The following TTF2 variants were observed in gnomAD, a reference collection of about 807,000 sequenced individuals.
The protein encoded by TTF2 is transcription termination factor 2.
TTF2 carries 108 observed loss-of-function variants against 142.4 expected under a neutral mutation model. The ratio of observed to expected loss-of-function variants is 0.76; its 90% confidence interval spans 0.65 to 0.89. The LOEUF is 0.89. TTF2 is among the 40% of genes least tolerant of loss of function. The pLI is 0.00. For synonymous variants in TTF2, 483 were observed against 506.2 expected (o/e 0.95, Z 0.61); for missense variants, 1,327 against 1,379.8 (o/e 0.96, Z 0.61).
intron 20 of TTF2, 22 bp downstream of exon 20, chr1:117,096,321 G>C: frequency 6.2e-7 from 1 of 1,612,152 alleles, no homozygotes; most frequent in Non-Finnish European, 8.5e-7. Context: ...TCACATCAGA[G>C]CCGCATAATT....
chr1:117,092,662 C>T lies in TTF2; in HGVS notation c.2806-69C>T. The stretch of plus-strand genomic sequence containing the variant: ...TCTGTGAAGTGGTAAACAATCAAAA[C>T]ATCATCAACAAGTAACAAGGTTTGC... On this transcript the variant is annotated intron_variant, in intron 17 of 22. Transcript: ENST00000369466. This position sits in a 1 kb window ranked among gnomAD's most constrained non-coding sequence, Gnocchi z 4.4. The T allele has an allele frequency of 5.9e-6, 9 of 1,527,830 alleles. No homozygotes were observed. The highest frequency in any genetic ancestry group is 8.0e-6 in the Non-Finnish European group (9 of 1,129,306). The allele number at this position is 1,527,830 out of a possible 1,614,324, so 94.6% of individuals were successfully genotyped here.
chr1:117,105,815 CTTAT>C lies in TTF2; in HGVS notation c.*4294_*4297del, dbSNP rs1170608819. The C allele has an allele frequency of 6.6e-6, 1 of 152,106 alleles. No individual in the cohort carries two copies. The highest frequency in any genetic ancestry group is 1.5e-5 in the Non-Finnish European group (1 of 68,014). The allele number at this position is 152,106 out of a possible 1,614,324, so 9.4% of individuals were successfully genotyped here. A position where few individuals can be genotyped will look rare whatever the true frequency, so the allele number is the denominator to read the frequency against. ...AAAATTTTCTGTTTATGGGAGGTGA[CTTAT>C]TTCTCTATCAATCCTGTGAGTGATT... On this transcript the variant is annotated 3_prime_UTR_variant, in exon 23 of 23. Coordinates refer to ENST00000369466, the MANE Select transcript of TTF2 (RefSeq NM_003594.4). The surrounding 1 kb of genome is among the most constrained non-coding windows in gnomAD (Gnocchi z 4.7).
intron 3 of TTF2, among the ~76,000 whole-genome samples, chr1:117,068,555 A>G (rs1656335472): frequency 6.6e-6 from 1 of 152,160 alleles, no homozygotes; most frequent in Admixed American, 6.5e-5. Flanking sequence ...AAAAAAAAAA[A>G]AAGAAAAATA....
chr1:117,086,247 A>ATG lies in TTF2; in HGVS notation c.2055-147_2055-146dup, dbSNP rs3831091. On this transcript the variant is annotated intron_variant, in intron 11 of 22. Transcript: ENST00000369466. This position sits in a 1 kb window ranked among gnomAD's most constrained non-coding sequence, Gnocchi z 4.2. Reference sequence around the variant, plus strand: ...CAAGTGGGTAAAATTTACCTCCAAAATGTGTGTGTGTGTGTGTGTGTGTGC... The same window carrying ATG: ...CAAGTGGGTAAAATTTACCTCCAAAATGTGTGTGTGTGTGTGTGTGTGTGTGC... Among the ~76,000 whole-genome samples, 25,976 of 148,780 alleles carry ATG rather than the reference A, an allele frequency of 0.17. 2,463 individuals are homozygous for ATG. Among genetic ancestry groups the ATG allele is most frequent in the Non-Finnish European group, 0.22 (14,718 of 66,826 alleles).
chr1:117,079,482 A>G lies in TTF2; in HGVS notation c.1702-86A>G. 8.2e-7 allele frequency: 1 copy of G among 1,224,636 alleles called. No individual in the cohort carries two copies. The highest frequency in any genetic ancestry group is 1.2e-6 in the Non-Finnish European group (1 of 830,808). The allele number at this position is 1,224,636 out of a possible 1,614,324, so 75.9% of individuals were successfully genotyped here. ...ACTGAGGGAATCATTTGTAGAAAAT[A>G]GGAGAGTGTAGAGTTCGTGTAGCCA... On this transcript the variant is annotated intron_variant, in intron 8 of 22. Transcript: ENST00000369466. This position sits in a 1 kb window ranked among gnomAD's most constrained non-coding sequence, Gnocchi z 4.2.
rs1357170823 is a variant in TTF2 at position 117,080,675 on chromosome 1, G to A, written c.1783+1026G>A. ...TCAGTGGTCCTCAAAACCACCCCCA[G>A]GTTCGATGATTTGCTAGTAAGACAC... On this transcript the variant is annotated intron_variant, in intron 9 of 22. Coordinates refer to ENST00000369466, the MANE Select transcript of TTF2 (RefSeq NM_003594.4). The surrounding 1 kb of genome is among the most constrained non-coding windows in gnomAD (Gnocchi z 4.3). Among the ~76,000 whole-genome samples, 2 of 152,164 alleles carry A rather than the reference G, an allele frequency of 1.3e-5. No homozygotes were observed. The highest frequency in any genetic ancestry group is 2.9e-5 in the Non-Finnish European group (2 of 68,026).
rs1231858240 is a variant in TTF2, at chr1:117,076,191, A to G, written c.1287A>G (p.Ala429=). The G allele has an allele frequency of 1.2e-6, 2 of 1,613,930 alleles. No individual in the cohort carries two copies. Among genetic ancestry groups the G allele is most frequent in the South Asian group, 1.1e-5 (1 of 91,078 alleles). Residue 429 remains alanine, a synonymous_variant, in exon 6 of 23, where the codon GCA becomes GCG. Transcript: ENST00000369466. This position sits in a 1 kb window ranked among gnomAD's most constrained non-coding sequence, Gnocchi z 4.6. ...AATCTGTTTTTCAGAGCACACTGGC[A>G]TCAGTGAACATCCAGGCTCTTCCAG... ...TQLKQKKSTL[A]SVNIQALPDK...
chr1:117,061,149 G>A (rs2101240391), intron 2 of TTF2, among the ~76,000 whole-genome samples: 1 of 152,286 alleles, frequency 6.6e-6, no homozygotes, highest in South Asian at 2.1e-4. Flanking sequence ...CAGCACTTTG[G>A]GAGGCGAAGG....
intron 9 of TTF2, among the ~76,000 whole-genome samples, chr1:117,081,242 T>G (rs1442098490): frequency 1.3e-5 from 2 of 152,230 alleles, no homozygotes; most frequent in African/African-American, 2.4e-5. Context: ...GCAGAATGAT[T>G]ATTTTGAATG....
Position 117,076,879 on chromosome 1 carries a change from C to T in TTF2, c.1573+56C>T, listed in dbSNP as rs924210526. Reference sequence around the variant, plus strand: ...ATAGCCACCCCTGTGAGTTACGTGCCACCCGGTACAGTAGTCACCTCTTAT... The same window carrying T: ...ATAGCCACCCCTGTGAGTTACGTGCTACCCGGTACAGTAGTCACCTCTTAT... On this transcript the variant is annotated intron_variant, in intron 7 of 22. Coordinates refer to ENST00000369466, the MANE Select transcript of TTF2 (RefSeq NM_003594.4). The surrounding 1 kb of genome is among the most constrained non-coding windows in gnomAD (Gnocchi z 4.6). The T allele has an allele frequency of 9.3e-6, 14 of 1,512,734 alleles. No individual in the cohort carries two copies. In the African/African-American group the frequency reaches 1.8e-4, roughly 19 times the overall value. 93.7% of individuals were successfully genotyped at this position (1,512,734 alleles called of 1,614,324 possible).
Position 117,101,516 on chromosome 1 carries a change from G to GGC in TTF2, c.3482_3483dup (p.Ile1162AlafsTer19). 6.3e-7 allele frequency: 1 copy of GGC among 1,589,640 alleles called. No individual in the cohort carries two copies. Reference sequence around the variant, plus strand: ...CTTGGCTGACCTCAGAGTCCTTTTTGGCATCTAACCTCCTGTGGATAAGGG... The same window carrying GGC: ...CTTGGCTGACCTCAGAGTCCTTTTTGGCGCATCTAACCTCCTGTGGATAAGGG... On this transcript the variant is annotated frameshift_variant, in exon 23 of 23. Coordinates refer to ENST00000369466, the MANE Select transcript of TTF2 (RefSeq NM_003594.4). LOFTEE classifies it high-confidence loss of function. The surrounding 1 kb of genome is among the most constrained non-coding windows in gnomAD (Gnocchi z 5.9).
At chr1:117,095,181 G>A in intron 18 of TTF2, 128 bp from the exon 19 acceptor site, 2 of 781,210 alleles carry the variant, frequency 2.6e-6, no homozygotes, top group East Asian at 2.6e-5. Flanking sequence ...GCAGAGAGGA[G>A]GGTGGAATAA....
At position 117,088,274 on chromosome 1, in the gene TTF2, A is replaced by G. The variant is rs1230489558; in HGVS notation, c.2161-527A>G. ...AAAAGTCGGCTGGGCGCGGTGGCTC[A>G]TGCCTGTAATCCCAGCACTTTGGAA... is the stretch of plus-strand genomic sequence containing the variant. On this transcript the variant is annotated intron_variant, in intron 12 of 22. Transcript: ENST00000369466. Among the ~76,000 whole-genome samples the G allele has an allele frequency of 2.6e-5, 4 of 152,210 alleles. No homozygotes were observed. The East Asian group carries it at 7.7e-4, about 29-fold the overall frequency.
chr1:117,094,854 T>C (rs1648967193), intron 18 of TTF2: 1 of 343,878 alleles, frequency 2.9e-6, no homozygotes, highest in Non-Finnish European at 5.7e-6. Context: ...AGTGGGCACC[T>C]AACCTGTACT....
Position 117,076,206 on chromosome 1 carries a change from G to A in TTF2, c.1302G>A (p.Gln434=). The change falls in exon 6 of 23, where the codon CAG becomes CAA. Residue 434 remains glutamine (Q), a synonymous_variant. Transcript: ENST00000369466. The surrounding 1 kb of genome is among the most constrained non-coding windows in gnomAD (Gnocchi z 4.6). The part of the protein sequence containing the change: ...KKSTLASVNI[Q]ALPDKGQKLI... ...GCACACTGGCATCAGTGAACATCCA[G>A]GCTCTTCCAGACAAGGGTCAGAAGT... 1.9e-6 allele frequency: 3 copies of A among 1,613,942 alleles called. No homozygotes were observed. The highest frequency in any genetic ancestry group is 1.1e-5 in the South Asian group (1 of 91,078).
Position 117,079,526 on chromosome 1 carries a change from A to T in TTF2, c.1702-42A>T, listed in dbSNP as rs1309872532. 1.3e-6 allele frequency: 2 copies of T among 1,598,206 alleles called. No homozygotes were observed. Among genetic ancestry groups the T allele is most frequent in the Non-Finnish European group, 1.7e-6 (2 of 1,165,516 alleles). ...GTAGCCAGGCTCGGCATAGCCTCTC[A>T]TTAGGAATTTATGCTTAGCATTTGG... On this transcript the variant is annotated intron_variant, in intron 8 of 22. Coordinates refer to ENST00000369466, the MANE Select transcript of TTF2 (RefSeq NM_003594.4). This position sits in a 1 kb window ranked among gnomAD's most constrained non-coding sequence, Gnocchi z 4.2.
At chr1:117,089,100 G>A in intron 13 of TTF2, 118 bp downstream of exon 13, 3 of 1,083,798 alleles carry the variant, frequency 2.8e-6, no homozygotes, top group Non-Finnish European at 1.3e-6. Context: ...GGAGATGGCA[G>A]GCCTGTCAAC....
intron 12 of TTF2, among the ~76,000 whole-genome samples, chr1:117,088,391 G>T (rs1431602420): frequency 1.3e-5 from 2 of 152,158 alleles, no homozygotes; most frequent in Admixed American, 6.5e-5. Context: ...CAAAAAATTA[G>T]CCGGGTGTGG....
chr1:117,089,983 A>C (rs1036698496), intron 13 of TTF2, 72 bp from the exon 14 acceptor site: 1 of 1,500,274 alleles, frequency 6.7e-7, no homozygotes, highest in Non-Finnish European at 9.0e-7. Context: ...CTTATATCTT[A>C]CTTTGAACCT....
Sources: gnomAD v4.1 joint callset for allele counts (sites outside exome capture counted in the v4.1 genomes callset) on GRCh38, gnomAD v4.1.1 for gene constraint, Gnocchi (gnomAD v3.1) non-coding constraint, MANE v1.5 for transcripts, NCBI Gene and HGNC (gene_info 2026-07-23, HGNC 2026-07-21) for gene names.